Variants in CCDC195 observed in about 807,000 individuals in gnomAD.
The protein encoded by CCDC195 is coiled-coil domain containing 195, also known as coiled-coil domain-containing protein 195.
chr2:224,706,790 A>G (rs1173090714), intron 2 of CCDC195, among the ~76,000 whole-genome samples: 2 of 150,386 alleles, frequency 1.3e-5, no homozygotes, highest in Non-Finnish European at 3.0e-5. Flanking sequence ...GATTACAGGC[A>G]TGAGCCACCG....
At chr2:224,707,800 A>C (rs80238749) in intron 2 of CCDC195, among the ~76,000 whole-genome samples, 1,851 of 152,340 alleles carry the variant, frequency 0.012, 22 homozygotes, top group Non-Finnish European at 0.02. Flanking sequence ...ACCTAGACTG[A>C]AAAAATAAAA....
intron 1 of CCDC195, among the ~76,000 whole-genome samples, chr2:224,712,916 C>A (rs1387430512): frequency 6.6e-6 from 1 of 151,898 alleles, no homozygotes; most frequent in East Asian, 1.9e-4. Context: ...TTGCCCAGGC[C>A]AGAGTGCAGT....
chr2:224,704,596 TTTTC>T (rs564048521), intron 2 of CCDC195, among the ~76,000 whole-genome samples: 17,508 of 133,818 alleles, frequency 0.13, 816 homozygotes, highest in African/African-American at 0.19. Context: ...CACCTTTTTT[TTTTC>T]TTTTCTTTTC....
intron 2 of CCDC195, among the ~76,000 whole-genome samples, chr2:224,709,507 C>T (rs1336551554): frequency 6.6e-6 from 1 of 152,178 alleles, no homozygotes; most frequent in African/African-American, 2.4e-5. Context: ...ACAATTTCCC[C>T]TAACGCCCAC....
chr2:224,705,776 A>G (rs1005526285), intron 2 of CCDC195, among the ~76,000 whole-genome samples: 1 of 152,200 alleles, frequency 6.6e-6, no homozygotes. Flanking sequence ...TTTTAAGCCA[A>G]TACTGGCTTT....
chr2:224,709,506 C>T (rs545356781), intron 2 of CCDC195, among the ~76,000 whole-genome samples: 48 of 152,282 alleles, frequency 3.2e-4, no homozygotes, highest in African/African-American at 1.1e-3. Context: ...AACAATTTCC[C>T]CTAACGCCCA....
intron 2 of CCDC195, among the ~76,000 whole-genome samples, chr2:224,709,086 C>CTTTTTTTTTTTTT (rs35179742): frequency 1.1e-4 from 11 of 95,766 alleles, no homozygotes; most frequent in African/African-American, 1.7e-4. Flanking sequence ...TTTCTTTTGT[C>CTTTTTTTTTTTTT]TTTTTTTTTT....
intron 1 of CCDC195, among the ~76,000 whole-genome samples, chr2:224,714,249 A>G (rs924296377): frequency 6.6e-5 from 10 of 152,082 alleles, no homozygotes; most frequent in African/African-American, 2.4e-4. Flanking sequence ...ATATGTTCTA[A>G]CCTCCTCTAA....
At chr2:224,705,506 G>A (rs898654821) in intron 2 of CCDC195, among the ~76,000 whole-genome samples, 3 of 152,142 alleles carry the variant, frequency 2.0e-5, no homozygotes, top group Non-Finnish European at 4.4e-5. Flanking sequence ...AAGTTCACAA[G>A]CAAATTGGTT....
chr2:224,704,359 A>G (rs1697212349), intron 2 of CCDC195, among the ~76,000 whole-genome samples: 1 of 152,218 alleles, frequency 6.6e-6, no homozygotes, highest in African/African-American at 2.4e-5. Context: ...ATGCTATCTG[A>G]GGGATTATAT....
At chr2:224,709,360 C>T (rs1373892570) in intron 2 of CCDC195, among the ~76,000 whole-genome samples, 1 of 152,082 alleles carries the variant, frequency 6.6e-6, no homozygotes, top group Non-Finnish European at 1.5e-5. Flanking sequence ...AAAGTGCTTT[C>T]TTGACTGTTG....
intron 1 of CCDC195, among the ~76,000 whole-genome samples, chr2:224,712,466 T>C (rs1257947579): frequency 2.0e-5 from 3 of 152,250 alleles, no homozygotes; most frequent in Non-Finnish European, 4.4e-5. Context: ...CAAGGATTCA[T>C]TCCGAGCAGG....
intron 2 of CCDC195, among the ~76,000 whole-genome samples, chr2:224,708,896 G>A (rs1265756598): frequency 6.6e-6 from 1 of 152,052 alleles, no homozygotes; most frequent in Admixed American, 6.6e-5. Flanking sequence ...GGGCCTCATT[G>A]GGAGTTGGAA....
intron 1 of CCDC195, among the ~76,000 whole-genome samples, chr2:224,715,425 G>A (rs982037013): frequency 3.3e-5 from 5 of 152,048 alleles, no homozygotes; most frequent in African/African-American, 7.2e-5. Context: ...ATCAAACATC[G>A]ACTCTGTATC....
chr2:224,705,995 A>G (rs957331694), intron 2 of CCDC195, among the ~76,000 whole-genome samples: 3 of 152,114 alleles, frequency 2.0e-5, no homozygotes, highest in Non-Finnish European at 4.4e-5. Flanking sequence ...TAATAGTACT[A>G]TAATTCTCAG....
At position 224,706,291 on chromosome 2, in the gene CCDC195, C is replaced by T. The variant is rs554262965; in HGVS notation, c.483-2404G>A. 4.1e-4 allele frequency among the ~76,000 whole-genome samples: 57 copies of T among 137,548 alleles called. 2 individuals are homozygous for T. The Middle Eastern group carries it at 0.028, about 68-fold the overall frequency. 90.2% of individuals were successfully genotyped at this position (137,548 alleles called of 152,430 possible). ...CCCAATGTCGGCTCACTGCAACCTC[C>T]GCCTCCCAGGTTCAAGCAATTCTCT... On this transcript the variant is annotated intron_variant, in intron 2 of 2. Transcript: ENST00000638102.
intron 2 of CCDC195, among the ~76,000 whole-genome samples, 172 bp downstream of exon 2, chr2:224,709,801 A>G (rs972523879): frequency 1.3e-5 from 2 of 152,222 alleles, no homozygotes; most frequent in African/African-American, 2.4e-5. Context: ...TTTAACCTCA[A>G]ATAAATTTGT....
chr2:224,708,101 C>T (rs1689250253), intron 2 of CCDC195, among the ~76,000 whole-genome samples: 1 of 151,342 alleles, frequency 6.6e-6, no homozygotes, highest in Non-Finnish European at 1.5e-5. Flanking sequence ...GGGATTTGCC[C>T]ACCTCAGCCT....
intron 1 of CCDC195, among the ~76,000 whole-genome samples, chr2:224,714,858 C>T (rs745501529): frequency 1.3e-4 from 20 of 152,162 alleles, no homozygotes; most frequent in Non-Finnish European, 2.6e-4. Flanking sequence ...TAGAGAGACA[C>T]ATCTCTAACT....
Sources: gnomAD v4.1 joint callset for allele counts (sites outside exome capture counted in the v4.1 genomes callset) on GRCh38, gnomAD v4.1.1 for gene constraint, MANE v1.5 for transcripts, NCBI Gene and HGNC (gene_info 2026-07-23, HGNC 2026-07-21) for gene names.